DPP10: variants seen among roughly 807,000 people sequenced by gnomAD.
DPP10 encodes dipeptidyl peptidase like 10, also known as inactive dipeptidyl peptidase 10.
Under a neutral mutation model 120.9 loss-of-function variants are expected in DPP10, and 33 were observed. The observed-to-expected ratio is 0.27, with a 90% CI of 0.21 to 0.37. The LOEUF is 0.37. DPP10 is among the 10% of genes least tolerant of loss of function. The pLI, the probability that DPP10 is intolerant of heterozygous loss-of-function variation, is 1.00. For synonymous variants in DPP10, 337 were observed against 326.1 expected (o/e 1.03, Z -0.36); for missense variants, 816 against 942.8 (o/e 0.87, Z 1.76).
chr2:114,705,529 G>A (rs1700636698), intron 1 of DPP10, among the ~76,000 whole-genome samples: 2 of 151,838 alleles, frequency 1.3e-5, no homozygotes, highest in African/African-American at 4.8e-5. Context: ...TACTTTCCTT[G>A]ATCACCGTGT....
chr2:114,943,204 C>G (rs1255736585), intron 1 of DPP10, among the ~76,000 whole-genome samples: 4 of 152,178 alleles, frequency 2.6e-5, no homozygotes. Flanking sequence ...CCAGCTTCAT[C>G]CATGTCCCTG....
At chr2:115,386,891 T>C (rs2066978991) in intron 3 of DPP10, among the ~76,000 whole-genome samples, 1 of 151,502 alleles carries the variant, frequency 6.6e-6, no homozygotes, top group Admixed American at 6.6e-5. Context: ...CATTACTTTT[T>C]AAGTACTCAG....
chr2:115,456,915 C>T (rs1470833353), intron 3 of DPP10, among the ~76,000 whole-genome samples: 2 of 151,932 alleles, frequency 1.3e-5, no homozygotes, highest in South Asian at 2.1e-4. Flanking sequence ...ACATCTATAC[C>T]TGTGTAACAA....
chr2:115,270,417 C>A (rs1369228679), intron 1 of DPP10, among the ~76,000 whole-genome samples: 1 of 151,920 alleles, frequency 6.6e-6, no homozygotes, highest in Non-Finnish European at 1.5e-5. Context: ...ACCTGTGGGG[C>A]CATGCCTTTA....
intron 1 of DPP10, among the ~76,000 whole-genome samples, chr2:115,029,226 T>C (rs1703675829): frequency 6.6e-6 from 1 of 152,074 alleles, no homozygotes; most frequent in African/African-American, 2.4e-5. Flanking sequence ...AAATCTGTTT[T>C]AAATTTGTTG....
chr2:115,033,312 T>A (rs1052624372), intron 1 of DPP10, among the ~76,000 whole-genome samples: 1 of 152,172 alleles, frequency 6.6e-6, no homozygotes. Context: ...TCTCACTCTG[T>A]GACCTTTCTC....
chr2:114,943,939 GACTTTC>G (rs1363636453), intron 1 of DPP10, among the ~76,000 whole-genome samples: 17 of 152,042 alleles, frequency 1.1e-4, no homozygotes, highest in African/African-American at 3.9e-4. Flanking sequence ...GTTATTATCC[GACTTTC>G]AACATAAGAT....
intron 1 of DPP10, among the ~76,000 whole-genome samples, chr2:114,472,173 G>C (rs1445339222): frequency 1.3e-5 from 2 of 152,184 alleles, no homozygotes; most frequent in Non-Finnish European, 2.9e-5. Context: ...TGTTCACCTA[G>C]AGGAGCAAAC....
chr2:115,002,695 G>A (rs558068490), intron 1 of DPP10, among the ~76,000 whole-genome samples: 2 of 152,222 alleles, frequency 1.3e-5, no homozygotes, highest in African/African-American at 4.8e-5. Context: ...TAATAAGTGA[G>A]CAAAGAACAT....
chr2:115,503,743 T>C (rs1170035865), intron 4 of DPP10, among the ~76,000 whole-genome samples: 1 of 152,164 alleles, frequency 6.6e-6, no homozygotes, highest in Non-Finnish European at 1.5e-5. Context: ...TGTTTCTTTC[T>C]TTCTCTAGAG....
intron 3 of DPP10, among the ~76,000 whole-genome samples, chr2:115,414,321 G>A (rs903058376): frequency 6.6e-6 from 1 of 152,140 alleles, no homozygotes; most frequent in African/African-American, 2.4e-5. Flanking sequence ...GAGTCTAGAT[G>A]TTTATCTTCT....
intron 9 of DPP10, among the ~76,000 whole-genome samples, chr2:115,743,624 A>C (rs1677569822): frequency 6.6e-6 from 1 of 151,526 alleles, no homozygotes; most frequent in African/African-American, 2.4e-5. Context: ...ATACTATTTT[A>C]GGCACTTTAC....
intron 17 of DPP10, among the ~76,000 whole-genome samples, 174 bp downstream of exon 17, chr2:115,782,573 G>C (rs1682900768): frequency 6.6e-6 from 1 of 151,970 alleles, no homozygotes; most frequent in Admixed American, 6.6e-5. Context: ...AAACAGTAAA[G>C]CAAGAGATAT....
chr2:115,585,813 C>T (rs1480415384), intron 5 of DPP10, among the ~76,000 whole-genome samples: 1 of 152,158 alleles, frequency 6.6e-6, no homozygotes, highest in South Asian at 2.1e-4. Context: ...GCCACTTCCT[C>T]ACACAAAAGG....
intron 1 of DPP10, among the ~76,000 whole-genome samples, chr2:115,072,295 G>A (rs1559060083): frequency 1.3e-5 from 2 of 152,088 alleles, no homozygotes; most frequent in Admixed American, 6.5e-5. Flanking sequence ...CCTAGAAACA[G>A]GTTTTACAGT....
chr2:115,376,186 GA>G (rs1484081482), intron 3 of DPP10, among the ~76,000 whole-genome samples: 2 of 151,996 alleles, frequency 1.3e-5, no homozygotes, highest in African/African-American at 4.8e-5. Flanking sequence ...ACTTTTTAAG[GA>G]ATTGCTTCTC....
At chr2:114,648,129 G>A (rs1033215689) in intron 1 of DPP10, among the ~76,000 whole-genome samples, 7 of 152,154 alleles carry the variant, frequency 4.6e-5, no homozygotes, top group Non-Finnish European at 1.0e-4. Context: ...TATCCTGTGA[G>A]TTGTATCACC....
chr2:115,676,830 A>T lies in DPP10; in HGVS notation c.442-12857A>T, dbSNP rs544143605. On this transcript the variant is annotated intron_variant, in intron 5 of 25. Coordinates refer to ENST00000410059, the MANE Select transcript of DPP10 (RefSeq NM_020868.6). Reference sequence around the variant, plus strand: ...TTGGAAGATGTGTGGCATGCAGATAACAAGCTCAAATATTTCCATGTAGAT... The same window carrying T: ...TTGGAAGATGTGTGGCATGCAGATATCAAGCTCAAATATTTCCATGTAGAT... 2.0e-5 allele frequency among the ~76,000 whole-genome samples: 3 copies of T among 152,310 alleles called. No homozygotes were observed. In the South Asian group the frequency reaches 6.2e-4, roughly 32 times the overall value.
chr2:115,189,217 C>G (rs1013835539), intron 1 of DPP10, among the ~76,000 whole-genome samples: 1 of 152,182 alleles, frequency 6.6e-6, no homozygotes, highest in East Asian at 1.9e-4. Context: ...GTGTCATTCC[C>G]CTGTTGTCTA....
Sources: gnomAD v4.1 joint callset for allele counts (sites outside exome capture counted in the v4.1 genomes callset) on GRCh38, gnomAD v4.1.1 for gene constraint, MANE v1.5 for transcripts, NCBI Gene and HGNC (gene_info 2026-07-23, HGNC 2026-07-21) for gene names.